TMEM108: variants seen among roughly 807,000 people sequenced by gnomAD.
TMEM108 encodes cancer/testis antigen 124.
In TMEM108, 12 loss-of-function variants were observed where a neutral mutation model predicts 35.1. That is an observed-to-expected ratio of 0.34 (90% CI 0.22 to 0.55). The LOEUF is 0.55. Among genes scored for constraint, TMEM108 ranks in the 20% least tolerant of loss-of-function variants. The probability of loss-of-function intolerance (pLI) is 0.89; values close to 1 mark genes in which losing one functional copy is unlikely to be tolerated. For synonymous variants in TMEM108, 287 were observed against 308.6 expected (o/e 0.93, Z 0.73); for missense variants, 680 against 753.3 (o/e 0.90, Z 1.14).
In TMEM108 at chr3:133,171,115, A is replaced by G. The variant is rs1945124057; in HGVS notation, c.-46-58151A>G. Reference sequence around the variant, plus strand: ...CTCTCTGACATTTAGATAATTCACCACCAGATAGATGGTGATGGTGATGAC... The same window carrying G: ...CTCTCTGACATTTAGATAATTCACCGCCAGATAGATGGTGATGGTGATGAC... On this transcript the variant is annotated intron_variant, in intron 2 of 5. Transcript: ENST00000321871. Among the ~76,000 whole-genome samples the G allele has an allele frequency of 2.0e-5, 3 of 152,146 alleles. No individual in the cohort carries two copies. The South Asian group carries it at 6.2e-4, about 32-fold the overall frequency.
chr3:133,149,851 A>G (rs1021729452), intron 2 of TMEM108, among the ~76,000 whole-genome samples: 12 of 152,172 alleles, frequency 7.9e-5, no homozygotes, highest in African/African-American at 2.9e-4. Context: ...TGTCTGGTAC[A>G]TATACATAAA....
rs369228472 is a variant in TMEM108, at chr3:133,181,008, T to TAAAAAAAAAAAAAAAAAAAAAAAA, written c.-46-48251_-46-48228dup. On this transcript the variant is annotated intron_variant, in intron 2 of 5. Transcript: ENST00000321871. ...TGTACTGGCTATTGGGCAGTTGTGT[T>TAAAAAAAAAAAAAAAAAAAAAAAA]AAAAAAAAAAAAAAAAAAAAAAAAA... Among the ~76,000 whole-genome samples, 14 of 75,854 alleles carry TAAAAAAAAAAAAAAAAAAAAAAAA rather than the reference T, an allele frequency of 1.8e-4. 2 individuals are homozygous for TAAAAAAAAAAAAAAAAAAAAAAAA. The highest frequency in any genetic ancestry group is 2.2e-4 in the Non-Finnish European group (9 of 40,162). 49.8% of individuals were successfully genotyped at this position (75,854 alleles called of 152,430 possible).
chr3:133,389,029 C>T lies in TMEM108; in HGVS notation c.1451-1151C>T, dbSNP rs536363276. ...CTCTTGGCTTCAGCTCTCCTCATCC[C>T]CAGAGGCTCTGGTGATGATGAACCT... On this transcript the variant is annotated intron_variant, in intron 4 of 5. Transcript: ENST00000321871. 2.2e-5 allele frequency: 22 copies of T among 985,606 alleles called. 1 individual carries two copies. Among genetic ancestry groups the T allele is most frequent in the Middle Eastern group, 1.0e-3 (2 of 1,914 alleles). The allele number at this position is 985,606 out of a possible 1,614,324, so 61.1% of individuals were successfully genotyped here. A position where few individuals can be genotyped will look rare whatever the true frequency, so the allele number is the denominator to read the frequency against.
At chr3:133,236,502 T>C (rs1436192486) in intron 3 of TMEM108, among the ~76,000 whole-genome samples, 1 of 152,042 alleles carries the variant, frequency 6.6e-6, no homozygotes. Context: ...CACAAATCCA[T>C]ATTACCTGTC....
chr3:133,182,188 T>A (rs1358306910), intron 2 of TMEM108, among the ~76,000 whole-genome samples: 1 of 152,200 alleles, frequency 6.6e-6, no homozygotes, highest in Non-Finnish European at 1.5e-5. Flanking sequence ...AGCAGAGTCC[T>A]TTCTTCCCAG....
chr3:133,183,966 A>G (rs961456774), intron 2 of TMEM108, among the ~76,000 whole-genome samples: 1 of 152,174 alleles, frequency 6.6e-6, no homozygotes, highest in Non-Finnish European at 1.5e-5. Context: ...TTACCATCAG[A>G]GACCATAAGG....
chr3:133,268,951 A>G (rs1041778649), intron 3 of TMEM108, among the ~76,000 whole-genome samples: 1 of 152,218 alleles, frequency 6.6e-6, no homozygotes, highest in African/African-American at 2.4e-5. Context: ...ACTGGGCTTC[A>G]CACAGTAAAT....
intron 2 of TMEM108, among the ~76,000 whole-genome samples, chr3:133,055,436 G>T (rs924629002): frequency 6.6e-6 from 1 of 152,192 alleles, no homozygotes; most frequent in African/African-American, 2.4e-5. Context: ...TCTCTCCAGG[G>T]TATAGAGAGA....
intron 3 of TMEM108, among the ~76,000 whole-genome samples, chr3:133,367,029 C>T (rs870071): frequency 0.32 from 48,883 of 152,042 alleles, 7,991 homozygotes; most frequent in East Asian, 0.42. Context: ...GCGCCCTCCC[C>T]CTAACAACCT....
rs144931837 is a variant in TMEM108, at chr3:133,269,305, A to C, written c.40+39954A>C. Among the ~76,000 whole-genome samples the C allele has an allele frequency of 2.4e-3, 358 of 152,336 alleles. 2 individuals carry two copies. The highest frequency in any genetic ancestry group is 7.9e-3 in the African/African-American group (329 of 41,588). ...TTAAAAACTGATAAATGAGCATTGA[A>C]ACAATGAGAATACTCCATCAATACA... On this transcript the variant is annotated intron_variant, in intron 3 of 5. Transcript: ENST00000321871.
intron 3 of TMEM108, among the ~76,000 whole-genome samples, chr3:133,370,676 T>G (rs1402833835): frequency 6.6e-6 from 1 of 152,232 alleles, no homozygotes. Context: ...TTCATCCATC[T>G]AATTTGACTC....
intron 2 of TMEM108, among the ~76,000 whole-genome samples, chr3:133,074,701 C>T (rs1387506917): frequency 6.6e-6 from 1 of 152,156 alleles, no homozygotes; most frequent in African/African-American, 2.4e-5. Context: ...GTTGGCCAGG[C>T]TAGTCTCGAA....
intron 3 of TMEM108, among the ~76,000 whole-genome samples, chr3:133,313,832 C>A (rs920599218): frequency 2.0e-5 from 3 of 152,058 alleles, no homozygotes; most frequent in African/African-American, 7.2e-5. Flanking sequence ...AACTGCTCTT[C>A]TGCTTGCAAC....
chr3:133,261,625 A>G (rs1946623571), intron 3 of TMEM108, among the ~76,000 whole-genome samples: 1 of 152,204 alleles, frequency 6.6e-6, no homozygotes, highest in Non-Finnish European at 1.5e-5. Context: ...ACAAGATCCA[A>G]ACTGCATTAA....
intron 2 of TMEM108, among the ~76,000 whole-genome samples, chr3:133,160,979 A>G (rs1026171155): frequency 6.6e-6 from 1 of 152,300 alleles, no homozygotes; most frequent in African/African-American, 2.4e-5. Context: ...GCAATCTTCA[A>G]AAGCAGTTTT....
At chr3:133,179,049 GA>G (rs1459883153) in intron 2 of TMEM108, among the ~76,000 whole-genome samples, 1 of 152,094 alleles carries the variant, frequency 6.6e-6, no homozygotes, top group Non-Finnish European at 1.5e-5. Flanking sequence ...AAAGACACAT[GA>G]AAAAATGCTC....
intron 2 of TMEM108, among the ~76,000 whole-genome samples, chr3:133,175,931 CAT>C (rs1187175172): frequency 6.6e-6 from 1 of 152,132 alleles, no homozygotes; most frequent in African/African-American, 2.4e-5. Flanking sequence ...AAACCCATCT[CAT>C]GTGCAGAGAC....
At chr3:133,222,557 T>C (rs572792701) in intron 2 of TMEM108, among the ~76,000 whole-genome samples, 5 of 152,076 alleles carry the variant, frequency 3.3e-5, no homozygotes, top group Non-Finnish European at 7.4e-5. Context: ...ATAAGCTCTC[T>C]TCATTCCTTT....
intron 2 of TMEM108, among the ~76,000 whole-genome samples, chr3:133,085,109 T>C (rs1943864986): frequency 2.0e-5 from 3 of 152,226 alleles, no homozygotes; most frequent in Non-Finnish European, 4.4e-5. Context: ...AGTTCTTGCT[T>C]TTTATATTTT....
Sources: gnomAD v4.1 joint callset for allele counts (sites outside exome capture counted in the v4.1 genomes callset) on GRCh38, gnomAD v4.1.1 for gene constraint, MANE v1.5 for transcripts, NCBI Gene and HGNC (gene_info 2026-07-23, HGNC 2026-07-21) for gene names.